The following PWWP2A variants were observed in gnomAD, a reference collection of about 807,000 sequenced individuals.
PWWP2A encodes the protein PWWP domain containing 2A.
PWWP2A carries 18 observed loss-of-function variants against 48.5 expected under a neutral mutation model. That is an observed-to-expected ratio of 0.37 (90% CI 0.26 to 0.55). The LOEUF is 0.55. PWWP2A is among the 20% of genes least tolerant of loss of function. The probability of loss-of-function intolerance (pLI) is 0.81; values close to 1 mark genes in which losing one functional copy is unlikely to be tolerated. For missense variants in PWWP2A, 867 were observed against 976.4 expected (o/e 0.89, Z 1.49); for synonymous variants, 396 against 387.7 (o/e 1.02, Z -0.25).
intron 1 of PWWP2A, among the ~76,000 whole-genome samples, chr5:160,118,429 T>TC (rs1581306111): frequency 1.6e-5 from 1 of 63,700 alleles, no homozygotes; most frequent in South Asian, 6.0e-4. Flanking sequence ...CGCCCCCCCG[T>TC]CCCCCCGTCC....
rs747183127 is a variant in PWWP2A, at chr5:160,108,630, A to G, written c.584+10175T>C. 4.0e-5 allele frequency: 51 copies of G among 1,265,622 alleles called. No individual in the cohort carries two copies. In the South Asian group the frequency reaches 6.4e-4, roughly 16 times the overall value. The allele number at this position is 1,265,622 out of a possible 1,614,324, so 78.4% of individuals were successfully genotyped here. Reference sequence around the variant, plus strand: ...TTCATGGTCTCTGTAAAGAAAAGAAATCATTGTCTTGGTTTATATTTCCTC... The same window carrying G: ...TTCATGGTCTCTGTAAAGAAAAGAAGTCATTGTCTTGGTTTATATTTCCTC... On this transcript the variant is annotated intron_variant, in intron 1 of 1. Coordinates refer to ENST00000307063, the MANE Select transcript of PWWP2A (RefSeq NM_001130864.2).
downstream of PWWP2A, chr5:160,091,075 TCA>T (rs1193572536): frequency 3.0e-6 from 3 of 984,834 alleles, no homozygotes; most frequent in African/African-American, 3.5e-5. Context: ...AAATTAAAAT[TCA>T]CACATTTATG....
At chr5:160,061,156 G>A (rs530646130), downstream of PWWP2A, among the ~76,000 whole-genome samples, 2 of 152,222 alleles carry the variant, frequency 1.3e-5, no homozygotes, top group African/African-American at 4.8e-5. Flanking sequence ...CACACAGCTC[G>A]CCTGCCTATC....
the PWWP2A span, among the ~76,000 whole-genome samples, chr5:160,052,257 A>G: frequency 6.6e-6 from 1 of 152,130 alleles, no homozygotes; most frequent in Non-Finnish European, 1.5e-5. Context: ...TAATCCCAGC[A>G]CTTTAGGAGG....
chr5:160,057,499 T>C (rs1457774834), downstream of PWWP2A, among the ~76,000 whole-genome samples: 2 of 152,232 alleles, frequency 1.3e-5, no homozygotes, highest in East Asian at 3.8e-4. The surrounding 1 kb of genome is among the most constrained non-coding windows in gnomAD (Gnocchi z 4.4). Context: ...ATCATTTTGC[T>C]GCTGGAGGGC....
chr5:160,111,973 G>A (rs538256468), intron 1 of PWWP2A, among the ~76,000 whole-genome samples: 1 of 151,716 alleles, frequency 6.6e-6, no homozygotes, highest in African/African-American at 2.4e-5. Flanking sequence ...CCAAAATGAC[G>A]CAAATTAGCC....
downstream of PWWP2A, among the ~76,000 whole-genome samples, chr5:160,075,294 T>C (rs962233604): frequency 1.3e-5 from 2 of 152,184 alleles, no homozygotes; most frequent in African/African-American, 4.8e-5. Context: ...GGGAGAATGT[T>C]TGAGATTAAA....
At chr5:160,072,557 G>A (rs992505254), downstream of PWWP2A, among the ~76,000 whole-genome samples, 7 of 151,930 alleles carry the variant, frequency 4.6e-5, no homozygotes, top group Admixed American at 4.6e-4. Context: ...AAACCCCGTC[G>A]CTACAAAATA....
chr5:160,070,634 TA>T (rs1753719276), intron 2 of PWWP2A, among the ~76,000 whole-genome samples: 1 of 152,090 alleles, frequency 6.6e-6, no homozygotes, highest in South Asian at 2.1e-4. Flanking sequence ...TAACTGTACT[TA>T]AGGAGACAGT....
At chr5:160,097,117 G>C (rs1442020670) in intron 1 of PWWP2A, among the ~76,000 whole-genome samples, 1 of 151,632 alleles carries the variant, frequency 6.6e-6, no homozygotes, top group African/African-American at 2.4e-5. Flanking sequence ...TGGGCAAATT[G>C]CTTGAGCCCA....
chr5:160,094,945 G>A (rs1755459112), intron 1 of PWWP2A, among the ~76,000 whole-genome samples: 1 of 149,584 alleles, frequency 6.7e-6, no homozygotes, highest in African/African-American at 2.5e-5. Flanking sequence ...CTACTCGGGA[G>A]GCTGAGGCAG....
At chr5:160,115,649 T>C (rs1758052623) in intron 1 of PWWP2A, among the ~76,000 whole-genome samples, 1 of 150,162 alleles carries the variant, frequency 6.7e-6, no homozygotes, top group African/African-American at 2.5e-5. Context: ...GCTGAGATCA[T>C]GCCACTGCAC....
chr5:160,085,694 A>T (rs1280777791), intron 2 of PWWP2A, among the ~76,000 whole-genome samples: 1 of 151,654 alleles, frequency 6.6e-6, no homozygotes, highest in African/African-American at 2.4e-5. Flanking sequence ...TTTAATAGAG[A>T]CGGGGTTTCA....
At chr5:160,089,987 TAC>T (rs1488875946), downstream of PWWP2A, 1 of 984,750 alleles carries the variant, frequency 1.0e-6, no homozygotes, top group East Asian at 1.1e-4. Context: ...GAGTTTAGAA[TAC>T]ACATTTAAGA....
chr5:160,097,249 A>C (rs544221959), intron 1 of PWWP2A, among the ~76,000 whole-genome samples: 1 of 136,970 alleles, frequency 7.3e-6, no homozygotes, highest in Non-Finnish European at 1.5e-5. Flanking sequence ...AGGTGGGAGG[A>C]TTGCTTGAGT....
At chr5:160,090,284 C>T (rs1754959576), downstream of PWWP2A, 4 of 985,228 alleles carry the variant, frequency 4.1e-6, no homozygotes, top group African/African-American at 3.5e-5. Context: ...CTTCAAACTA[C>T]TGTTAAAACT....
intron 1 of PWWP2A, chr5:160,108,491 G>T: frequency 1.3e-6 from 1 of 792,782 alleles, no homozygotes; most frequent in Non-Finnish European, 1.9e-6. Flanking sequence ...CTACTTGAGG[G>T]CCTAAGTTCT....
intron 2 of PWWP2A, among the ~76,000 whole-genome samples, chr5:160,069,426 C>T (rs1450508622): frequency 1.3e-5 from 2 of 152,184 alleles, no homozygotes; most frequent in Non-Finnish European, 2.9e-5. Flanking sequence ...GGCCACCTCA[C>T]CCTGGAGTTT....
At chr5:160,065,243 G>A (rs1467404795) in intron 4 of PWWP2A, 2 of 898,776 alleles carry the variant, frequency 2.2e-6, no homozygotes, top group Non-Finnish European at 3.5e-6. Flanking sequence ...TGTACTTCCT[G>A]ATGTAATGAA....
Sources: gnomAD v4.1 joint callset for allele counts (sites outside exome capture counted in the v4.1 genomes callset) on GRCh38, gnomAD v4.1.1 for gene constraint, Gnocchi (gnomAD v3.1) non-coding constraint, MANE v1.5 for transcripts, NCBI Gene and HGNC (gene_info 2026-07-23, HGNC 2026-07-21) for gene names.